The following SCFD2 variants were observed in gnomAD, a reference collection of about 807,000 sequenced individuals.
SCFD2 encodes sec1 family domain containing 2, also known as sec1 family domain-containing protein 2.
SCFD2 carries 54 observed loss-of-function variants against 58.9 expected under a neutral mutation model. The observed-to-expected ratio is 0.92, with a 90% CI of 0.74 to 1.15. The LOEUF is 1.15. SCFD2 is among the 50% of genes most tolerant of loss of function. SCFD2 has a pLI of 0.00. For synonymous variants in SCFD2, 321 were observed against 335.9 expected (o/e 0.96, Z 0.49); for missense variants, 805 against 836.6 (o/e 0.96, Z 0.47).
intron 5 of SCFD2, among the ~76,000 whole-genome samples, chr4:53,085,766 C>A (rs1724287575): frequency 1.3e-5 from 2 of 151,878 alleles, no homozygotes; most frequent in Admixed American, 1.3e-4. Context: ...ACAAAGGTGC[C>A]AAAAATATAC....
chr4:53,012,163 T>A (rs1191131524), intron 5 of SCFD2, among the ~76,000 whole-genome samples: 1 of 151,988 alleles, frequency 6.6e-6, no homozygotes, highest in East Asian at 1.9e-4. Flanking sequence ...CAGGTTCAAG[T>A]ATGCACCATC....
intron 5 of SCFD2, among the ~76,000 whole-genome samples, chr4:53,000,876 G>T (rs1721848857): frequency 6.6e-6 from 1 of 152,156 alleles, no homozygotes; most frequent in East Asian, 1.9e-4. Flanking sequence ...CCTGGTATAC[G>T]GCCTGGTTCC....
At chr4:53,298,008 C>A (rs762249256) in intron 3 of SCFD2, among the ~76,000 whole-genome samples, 3 of 152,080 alleles carry the variant, frequency 2.0e-5, no homozygotes, top group African/African-American at 4.8e-5. Flanking sequence ...GTCTACAGCT[C>A]CCAGCATGAA....
In SCFD2 at chr4:52,942,292, G is replaced by T. The variant is rs191068888; in HGVS notation, c.1562-21422C>A. Among the ~76,000 whole-genome samples, 6 of 152,276 alleles carry T rather than the reference G, an allele frequency of 3.9e-5. No homozygotes were observed. The East Asian group carries it at 1.2e-3, about 29-fold the overall frequency. The stretch of plus-strand genomic sequence containing the variant: ...TAGCCAAGGGACAAGGGGGAGAGTG[G>T]GTTGTGGGACATAATGGAGAAGCTG... On this transcript the variant is annotated intron_variant, in intron 5 of 8. Transcript: ENST00000401642.
At chr4:53,341,247 T>C (rs1201213500) in intron 2 of SCFD2, among the ~76,000 whole-genome samples, 3 of 152,198 alleles carry the variant, frequency 2.0e-5, no homozygotes, top group African/African-American at 4.8e-5. Flanking sequence ...ATAACCAGTG[T>C]AGAGAAGTAC....
intron 3 of SCFD2, among the ~76,000 whole-genome samples, chr4:53,291,742 A>G (rs1731847079): frequency 1.3e-5 from 2 of 152,204 alleles, no homozygotes; most frequent in Admixed American, 6.5e-5. Context: ...CTACAAGGCT[A>G]CAGTAACCAA....
chr4:53,230,573 G>A (rs1226200349), intron 4 of SCFD2, among the ~76,000 whole-genome samples: 3 of 131,372 alleles, frequency 2.3e-5, no homozygotes, highest in African/African-American at 5.8e-5. Flanking sequence ...ATTGAACACT[G>A]AGAACGCATG....
chr4:53,214,368 C>G (rs1482337965), intron 4 of SCFD2, among the ~76,000 whole-genome samples: 1 of 152,074 alleles, frequency 6.6e-6, no homozygotes, highest in Non-Finnish European at 1.5e-5. Flanking sequence ...GAGATGGTAT[C>G]TCATTGTGAT....
At chr4:53,177,518 A>C (rs1727377814) in intron 4 of SCFD2, among the ~76,000 whole-genome samples, 1 of 152,212 alleles carries the variant, frequency 6.6e-6, no homozygotes, top group African/African-American at 2.4e-5. Context: ...AGAAATGAAA[A>C]GGAGGACTGG....
intron 4 of SCFD2, chr4:53,265,488 C>T (rs748523469): frequency 2.6e-5 from 4 of 152,082 alleles, no homozygotes; most frequent in Admixed American, 2.0e-4. Flanking sequence ...CACGAATTTG[C>T]ATGTCATCTT....
At chr4:53,082,623 A>G (rs1456496390) in intron 5 of SCFD2, among the ~76,000 whole-genome samples, 1 of 151,916 alleles carries the variant, frequency 6.6e-6, no homozygotes, top group Non-Finnish European at 1.5e-5. Context: ...TTGAATTGGT[A>G]GCCTGAGGAA....
intron 4 of SCFD2, among the ~76,000 whole-genome samples, chr4:53,186,082 C>T (rs1727728661): frequency 6.6e-6 from 1 of 152,150 alleles, no homozygotes; most frequent in Non-Finnish European, 1.5e-5. Context: ...TAGGTCTTGA[C>T]TGCATGCCAG....
chr4:53,045,208 G>T lies in SCFD2; in HGVS notation c.1561+100125C>A, dbSNP rs914452584. 2.6e-5 allele frequency among the ~76,000 whole-genome samples: 4 copies of T among 152,192 alleles called. No homozygotes were observed. The East Asian group carries it at 7.7e-4, about 29-fold the overall frequency. The stretch of plus-strand genomic sequence containing the variant: ...GATTTTACTGTTTCCTTTGTACGAG[G>T]TTTTACTAATATTGTTGCTTTTGAT... On this transcript the variant is annotated intron_variant, in intron 5 of 8. Coordinates refer to ENST00000401642, the MANE Select transcript of SCFD2 (RefSeq NM_152540.4).
intron 4 of SCFD2, among the ~76,000 whole-genome samples, chr4:53,210,616 ATTAT>A (rs1289658397): frequency 6.6e-6 from 1 of 151,992 alleles, no homozygotes; most frequent in African/African-American, 2.4e-5. Context: ...TGAAAAACAT[ATTAT>A]TTATGTTATC....
At chr4:52,973,267 G>A (rs1412452261) in intron 5 of SCFD2, among the ~76,000 whole-genome samples, 2 of 151,920 alleles carry the variant, frequency 1.3e-5, no homozygotes, top group African/African-American at 2.4e-5. Context: ...TTGATAGACC[G>A]CTAGCAATAC....
intron 5 of SCFD2, among the ~76,000 whole-genome samples, chr4:53,129,664 C>T (rs930347767): frequency 1.3e-5 from 2 of 152,194 alleles, no homozygotes; most frequent in Admixed American, 6.5e-5. Context: ...ATTAGAGGAT[C>T]CTTTTTACAT....
intron 2 of SCFD2, among the ~76,000 whole-genome samples, chr4:53,329,638 A>G (rs1733356819): frequency 6.6e-6 from 1 of 152,216 alleles, no homozygotes; most frequent in Admixed American, 6.5e-5. Flanking sequence ...AACCACAAAG[A>G]TTGGAAAAAA....
intron 5 of SCFD2, among the ~76,000 whole-genome samples, chr4:53,003,693 A>G (rs1577653237): frequency 6.6e-6 from 1 of 152,354 alleles, no homozygotes; most frequent in East Asian, 1.9e-4. Flanking sequence ...GTCAAGGAAT[A>G]TCTCCCAGAG....
rs1197902680 is a variant in SCFD2, at chr4:52,907,872, A to G, written c.1708-281T>C. On this transcript the variant is annotated intron_variant, in intron 6 of 8. Coordinates refer to ENST00000401642, the MANE Select transcript of SCFD2 (RefSeq NM_152540.4). ...ATCTTACCAGAGCTATAATCATACT[A>G]TGACTAATTTTTCTATTTAAAGTGA... Among the ~76,000 whole-genome samples the G allele has an allele frequency of 2.0e-5, 3 of 152,160 alleles. No homozygotes were observed. In the East Asian group the frequency reaches 5.8e-4, roughly 29 times the overall value.
Sources: allele counts gnomAD v4.1 joint callset (sites outside exome capture counted in the v4.1 genomes callset), GRCh38; gene constraint gnomAD v4.1.1; transcripts MANE v1.5; gene names NCBI Gene and HGNC (gene_info 2026-07-23, HGNC 2026-07-21).